Variants in LRRC66 observed in about 807,000 individuals in gnomAD.
LRRC66 encodes leucine-rich repeat-containing protein 66.
Under a neutral mutation model 24.6 loss-of-function variants are expected in LRRC66, and 29 were observed. The ratio of observed to expected loss-of-function variants is 1.18; its 90% confidence interval spans 0.88 to 1.61. The LOEUF is 1.61. Among genes scored for constraint, LRRC66 ranks in the 40% most tolerant of loss-of-function variants. The pLI is 0.00. For missense variants in LRRC66, 1,124 were observed against 1,058.0 expected, an observed-to-expected ratio of 1.06 and a Z score of -0.87; for synonymous variants, 411 against 397.6, an observed-to-expected ratio of 1.03 and a Z score of -0.40.
intron 2 of LRRC66, among the ~76,000 whole-genome samples, chr4:52,004,247 G>C (rs1005334447): frequency 2.0e-5 from 3 of 152,174 alleles, no homozygotes; most frequent in African/African-American, 7.2e-5. Context: ...GACCTCAAGT[G>C]ATCCACCGCC....
chr4:51,996,404 G>A (rs1032244651), intron 4 of LRRC66, among the ~76,000 whole-genome samples: 7 of 151,856 alleles, frequency 4.6e-5, no homozygotes, highest in Admixed American at 3.9e-4. Context: ...GTGTCACCAC[G>A]CCTGGGCTGC....
Position 51,995,445 on chromosome 4 carries a change from T to A in LRRC66, c.1577A>T (p.Asp526Val), listed in dbSNP as rs1036038020. Residue 526 changes from aspartate to valine, a missense_variant, in exon 5 of 5, where the codon GAC becomes GTC. Transcript: ENST00000682860. ...GNRELMSAAQ[D>V]HIHRNDILGE... The stretch of plus-strand genomic sequence containing the variant: ...GAGAATATCATTCCTATGGATGTGG[T>A]CCTGCGCTGCTGACATTAGTTCACG... The A allele has an allele frequency of 6.2e-7, 1 of 1,614,116 alleles. No individual in the cohort carries two copies. The highest frequency in any genetic ancestry group is 8.5e-7 in the Non-Finnish European group (1 of 1,180,022).
chr4:51,995,339 C>G lies in LRRC66; in HGVS notation c.1683G>C (p.Thr561=). 1 of 1,614,168 alleles carries G rather than the reference C, an allele frequency of 6.2e-7. No individual in the cohort carries two copies. The highest frequency in any genetic ancestry group is 8.5e-7 in the Non-Finnish European group (1 of 1,180,022). ...HSVGVSSVAG[T]SHAVSGSSRY... ...GGCTTGAGCCAGAGACAGCGTGAGA[C>G]GTGCCAGCTACAGAAGAGACGCCCA... Residue 561 remains threonine, a synonymous_variant, in exon 5 of 5, where the codon ACG becomes ACC. Coordinates refer to ENST00000682860, the MANE Select transcript of LRRC66 (RefSeq NM_001024611.3).
chr4:52,008,384 C>A (rs530311116), intron 2 of LRRC66, among the ~76,000 whole-genome samples: 16 of 151,806 alleles, frequency 1.1e-4, no homozygotes, highest in Admixed American at 1.1e-3. Context: ...TCTTCTCTGA[C>A]AATTTTGCCA....
intron 4 of LRRC66, 123 bp from the exon 5 acceptor site, chr4:51,996,288 C>G: frequency 1.1e-6 from 1 of 937,686 alleles, no homozygotes; most frequent in South Asian, 1.8e-5. Flanking sequence ...CCAGGCACAC[C>G]CAGCCTGGAG....
rs756872741 is a variant in LRRC66 at position 51,995,513 on chromosome 4, A to G, written c.1509T>C (p.Gly503=). ...DNTGAGSGND[G]AVYSILQRHP... ...GTCTCTGGAGAATGGAATAGACTGCACCATCATTTCCACTTCCTGCCCCGG... is the reference window on the plus strand; with the variant it reads ...GTCTCTGGAGAATGGAATAGACTGCGCCATCATTTCCACTTCCTGCCCCGG... Residue 503 remains glycine (G), a synonymous_variant, in exon 5 of 5, where the codon GGT becomes GGC. Transcript: ENST00000682860. 5.0e-6 allele frequency: 8 copies of G among 1,613,986 alleles called. No individual in the cohort carries two copies. The Admixed American group carries it at 6.7e-5, about 13-fold the overall frequency.
At position 51,997,779 on chromosome 4, in the gene LRRC66, T is replaced by C; in HGVS notation, c.825A>G (p.Lys275=). 3.7e-6 allele frequency: 6 copies of C among 1,614,072 alleles called. No individual in the cohort carries two copies. The highest frequency in any genetic ancestry group is 5.1e-6 in the Non-Finnish European group (6 of 1,179,960). ...ACCTGTTGCAAATGACATTCCACTTTTTCCTCCAGGATTCAGAAATAAAAT... is the reference window on the plus strand; with the variant it reads ...ACCTGTTGCAAATGACATTCCACTTCTTCCTCCAGGATTCAGAAATAAAAT... ...FQNFISESWR[K]KWNVICNRSI... is the part of the protein sequence containing the mutation. Residue 275 remains lysine (K), a synonymous_variant, in exon 4 of 5, where the codon AAA becomes AAG. Transcript: ENST00000682860.
chr4:52,016,919 T>C (rs528070262), intron 2 of LRRC66, among the ~76,000 whole-genome samples, 199 bp downstream of exon 2: 3 of 152,298 alleles, frequency 2.0e-5, no homozygotes, highest in Admixed American at 1.3e-4. Flanking sequence ...GATATACTAA[T>C]GGGAGACTAA....
At chr4:52,003,935 A>T (rs1736514845) in intron 2 of LRRC66, among the ~76,000 whole-genome samples, 1 of 152,236 alleles carries the variant, frequency 6.6e-6, no homozygotes, top group Non-Finnish European at 1.5e-5. Flanking sequence ...TTGCTAAACA[A>T]TAGAGGAAAA....
chr4:51,998,116 T>C (rs181475207), intron 3 of LRRC66, among the ~76,000 whole-genome samples, 179 bp from the exon 4 acceptor site: 2 of 152,326 alleles, frequency 1.3e-5, no homozygotes, highest in African/African-American at 4.8e-5. Context: ...AAAAAGTTTA[T>C]GAGTCTTGAT....
chr4:51,999,080 T>C (rs912705447), intron 3 of LRRC66, among the ~76,000 whole-genome samples: 5 of 151,386 alleles, frequency 3.3e-5, no homozygotes, highest in Non-Finnish European at 7.4e-5. Context: ...TACACTAGAG[T>C]GAAGGAAGGG....
Position 51,994,550 on chromosome 4 carries a change from A to G in LRRC66, c.2472T>C (p.Tyr824=), listed in dbSNP as rs1235349279. 6.2e-7 allele frequency: 1 copy of G among 1,614,066 alleles called. No individual in the cohort carries two copies. The highest frequency in any genetic ancestry group is 8.5e-7 in the Non-Finnish European group (1 of 1,180,034). Residue 824 remains tyrosine (Y), a synonymous_variant, in exon 5 of 5, where the codon TAT becomes TAC. Coordinates refer to ENST00000682860, the MANE Select transcript of LRRC66 (RefSeq NM_001024611.3). Reference sequence around the variant, plus strand: ...TGGATTGAAGAGCTGTGTCATAATCATAAGTGAACATGCCCGGAAACTCAT... The same window carrying G: ...TGGATTGAAGAGCTGTGTCATAATCGTAAGTGAACATGCCCGGAAACTCAT... ...LGDEFPGMFT[Y]DYDTALQSKA...
At chr4:51,998,138 T>C (rs1030824969) in intron 3 of LRRC66, among the ~76,000 whole-genome samples, 11 of 152,234 alleles carry the variant, frequency 7.2e-5, no homozygotes, top group Non-Finnish European at 1.3e-4. Flanking sequence ...AATTGTTCAC[T>C]TTCTATAAGC....
In LRRC66 at chr4:52,001,760, C is replaced by T. The variant is rs111253802; in HGVS notation, c.666+1463G>A. 4.3e-3 allele frequency among the ~76,000 whole-genome samples: 648 copies of T among 152,304 alleles called. 8 individuals are homozygous for T. Among genetic ancestry groups the T allele is most frequent in the Middle Eastern group, 0.014 (4 of 294 alleles). On this transcript the variant is annotated intron_variant, in intron 3 of 4. Transcript: ENST00000682860. ...CCCCATCACTGCTTCACTAGTCTCC[C>T]TTCTACAGAAGAGGGACTCCAGGAG...
chr4:52,008,893 A>T (rs1578116598), intron 2 of LRRC66, among the ~76,000 whole-genome samples: 1 of 152,134 alleles, frequency 6.6e-6, no homozygotes, highest in Non-Finnish European at 1.5e-5. Context: ...TAAAAGCAAC[A>T]TTGTGAAGCA....
intron 2 of LRRC66, among the ~76,000 whole-genome samples, chr4:52,010,355 G>A (rs1325153167): frequency 2.6e-5 from 4 of 152,030 alleles, no homozygotes; most frequent in African/African-American, 9.7e-5. Flanking sequence ...GCGAGTACAT[G>A]TGCAGGTTTG....
In LRRC66 at chr4:51,995,119, T is replaced by C; in HGVS notation, c.1903A>G (p.Ile635Val). 1 of 1,614,258 alleles carries C rather than the reference T, an allele frequency of 6.2e-7. No individual in the cohort carries two copies. Among genetic ancestry groups the C allele is most frequent in the Non-Finnish European group, 8.5e-7 (1 of 1,180,038 alleles). Residue 635 changes from isoleucine to valine, a missense_variant, in exon 5 of 5, where the codon ATA (isoleucine) becomes GTA (valine). Transcript: ENST00000682860. ...GCCCCGGACAGCCTTGGCTGCTGTA[T>C]GCTCAGCAAATCAATGGATGAACTC... ...QVSSSIDLLS[I>V]QQPRLSGARA...
In LRRC66 at chr4:52,011,955, C is replaced by A. The variant is rs570814715; in HGVS notation, c.496+5163G>T. Reference sequence around the variant, plus strand: ...ATCCCAGCACTTTGGGAGGCTGAGGCAGGCGGATCACTTGAGGTCAGGAGT... The same window carrying A: ...ATCCCAGCACTTTGGGAGGCTGAGGAAGGCGGATCACTTGAGGTCAGGAGT... On this transcript the variant is annotated intron_variant, in intron 2 of 4. Transcript: ENST00000682860. 2.0e-5 allele frequency among the ~76,000 whole-genome samples: 3 copies of A among 152,224 alleles called. No homozygotes were observed. The South Asian group carries it at 6.2e-4, about 32-fold the overall frequency.
intron 3 of LRRC66, among the ~76,000 whole-genome samples, chr4:51,998,832 T>G (rs1447654124): frequency 6.6e-6 from 1 of 152,204 alleles, no homozygotes; most frequent in Non-Finnish European, 1.5e-5. Context: ...GTGCTTCACA[T>G]ACATGATCTC....
Sources: allele counts gnomAD v4.1 joint callset (sites outside exome capture counted in the v4.1 genomes callset), GRCh38; gene constraint gnomAD v4.1.1; transcripts MANE v1.5; gene names NCBI Gene and HGNC (gene_info 2026-07-23, HGNC 2026-07-21).